The following FOXP1 variants were observed in gnomAD, a reference collection of about 807,000 sequenced individuals.
FOXP1 encodes forkhead box protein P1.
A neutral mutation model predicts 98.2 loss-of-function variants in FOXP1; 15 were observed. The observed-to-expected ratio is 0.15, with a 90% CI of 0.10 to 0.24. FOXP1 has a LOEUF of 0.24. FOXP1 is among the 10% of genes least tolerant of loss of function. The pLI, the probability that FOXP1 is intolerant of heterozygous loss-of-function variation, is 1.00. For synonymous variants in FOXP1, 371 were observed against 314.5 expected (o/e 1.18, Z -1.90); for missense variants, 633 against 848.5 (o/e 0.75, Z 3.15).
chr3:71,571,450 T>A (rs2047335085), intron 2 of FOXP1: 2 of 152,240 alleles, frequency 1.3e-5, no homozygotes, highest in Non-Finnish European at 2.9e-5. Context: ...TTTATACTCA[T>A]TTTGTTTAAC....
chr3:71,038,632 T>G (rs1406733113), intron 11 of FOXP1, among the ~76,000 whole-genome samples: 1 of 152,124 alleles, frequency 6.6e-6, no homozygotes, highest in South Asian at 2.1e-4. Context: ...AGTATTTATA[T>G]GTATACGAAG....
intron 4 of FOXP1, among the ~76,000 whole-genome samples, chr3:71,312,404 C>T (rs1437038552): frequency 6.6e-6 from 1 of 152,164 alleles, no homozygotes; most frequent in African/African-American, 2.4e-5. Context: ...ACTGTGTTCA[C>T]TACGAAGAAT....
intron 7 of FOXP1, among the ~76,000 whole-genome samples, chr3:71,063,526 A>T (rs1255091327): frequency 6.6e-6 from 1 of 152,268 alleles, no homozygotes; most frequent in Non-Finnish European, 1.5e-5. Context: ...AAACAAAAAC[A>T]GCAAAACAGG....
chr3:71,429,063 C>T (rs898834841), intron 3 of FOXP1, among the ~76,000 whole-genome samples: 2 of 152,140 alleles, frequency 1.3e-5, no homozygotes, highest in African/African-American at 4.8e-5. Flanking sequence ...CCGGCAAGCA[C>T]GAGGGGAAGG....
At chr3:71,583,808 G>A, upstream of FOXP1, 7 of 983,166 alleles carry the variant, frequency 7.1e-6, no homozygotes, top group Non-Finnish European at 8.4e-6. Flanking sequence ...CAGCGCCGGT[G>A]GCGGCGGCGG....
intron 1 of FOXP1, chr3:71,581,996 G>A (rs2048212615): frequency 1.0e-6 from 1 of 961,058 alleles, no homozygotes; most frequent in South Asian, 4.8e-5. Context: ...GTGGGATGGG[G>A]ATACGATCAC....
At chr3:71,577,450 A>G (rs2047811437) in intron 2 of FOXP1, among the ~76,000 whole-genome samples, 1 of 152,144 alleles carries the variant, frequency 6.6e-6, no homozygotes, top group Non-Finnish European at 1.5e-5. Context: ...GGAAAAAAAA[A>G]AAAGGAAAAA....
At chr3:71,575,456 T>TACACATACACACACAC (rs1284055681) in intron 2 of FOXP1, among the ~76,000 whole-genome samples, 3 of 149,440 alleles carry the variant, frequency 2.0e-5, no homozygotes, top group Non-Finnish European at 4.5e-5. Context: ...CACACACACA[T>TACACATACACACACAC]ACACACACAC....
intron 2 of FOXP1, among the ~76,000 whole-genome samples, chr3:71,519,753 T>A (rs1242289413): frequency 6.6e-6 from 1 of 152,252 alleles, no homozygotes; most frequent in East Asian, 1.9e-4. Flanking sequence ...TATTGTGGTG[T>A]AAGTACTTTA....
At position 70,976,961 on chromosome 3, in the gene FOXP1, G is replaced by A. The variant is rs797045585; in HGVS notation, c.1510C>T (p.Arg504Cys). The change falls in exon 17 of 21, where the codon CGC becomes TGC. Residue 504 changes from arginine (R) to cysteine (C), a missense_variant. Coordinates refer to ENST00000649528, the MANE Select transcript of FOXP1 (RefSeq NM_001349338.3). ...CTTACCTTCCACGTGGCCGCGTTGC[G>A]TCGGAAGTAAGCAAACATTCGTGTG... is the stretch of plus-strand genomic sequence containing the variant. ...WFTRMFAYFR[R>C]NAATWKNAVR... The A allele has an allele frequency of 3.7e-6, 6 of 1,613,904 alleles. No homozygotes were observed. Among genetic ancestry groups the A allele is most frequent in the Non-Finnish European group, 4.2e-6 (5 of 1,179,760 alleles).
chr3:71,530,010 C>T (rs937802459), intron 2 of FOXP1, among the ~76,000 whole-genome samples: 13 of 152,152 alleles, frequency 8.5e-5, no homozygotes, highest in Non-Finnish European at 1.6e-4. Context: ...CAGGGGCAGT[C>T]TAGTGGGGCC....
chr3:71,087,199 C>G (rs2055211776), intron 7 of FOXP1, among the ~76,000 whole-genome samples: 1 of 152,188 alleles, frequency 6.6e-6, no homozygotes, highest in South Asian at 2.1e-4. Flanking sequence ...GTGAGCTGCA[C>G]AACTGATGAG....
At chr3:71,109,002 AT>A (rs1263340212) in intron 7 of FOXP1, among the ~76,000 whole-genome samples, 1 of 152,234 alleles carries the variant, frequency 6.6e-6, no homozygotes, top group African/African-American at 2.4e-5. Flanking sequence ...TTCAATTTTC[AT>A]TTGTATCATT....
At chr3:71,036,283 C>T (rs1445881932) in intron 11 of FOXP1, among the ~76,000 whole-genome samples, 3 of 152,174 alleles carry the variant, frequency 2.0e-5, no homozygotes, top group Non-Finnish European at 4.4e-5. Context: ...CAAGGACTAT[C>T]GTGACTGAAG....
intron 10 of FOXP1, 115 bp from the exon 11 acceptor site, chr3:71,041,647 T>C: frequency 9.8e-7 from 1 of 1,021,780 alleles, no homozygotes; most frequent in Non-Finnish European, 1.5e-6. Flanking sequence ...GGTTTTTCGG[T>C]GTGTGCAGTT....
intron 3 of FOXP1, among the ~76,000 whole-genome samples, chr3:71,465,192 G>T (rs1168311711): frequency 6.6e-6 from 1 of 151,698 alleles, no homozygotes; most frequent in South Asian, 2.1e-4. Context: ...CTGTAATCCC[G>T]GCTACTTGGG....
intron 7 of FOXP1, among the ~76,000 whole-genome samples, chr3:71,091,129 G>GTGTGTGTGTGTGTGTATGTA (rs3064142): frequency 8.2e-6 from 1 of 122,290 alleles, no homozygotes; most frequent in Non-Finnish European, 1.7e-5. Flanking sequence ...GTGTGTGTGT[G>GTGTGTGTGTGTGTGTATGTA]TGTATTCTTA....
intron 7 of FOXP1, among the ~76,000 whole-genome samples, chr3:71,096,508 G>A (rs745535945): frequency 7.9e-5 from 12 of 152,110 alleles, no homozygotes; most frequent in Non-Finnish European, 1.8e-4. Flanking sequence ...ACTTACAAAT[G>A]TAAGTCACTT....
At chr3:71,582,974 G>A (rs1475036221) in intron 1 of FOXP1, among the ~76,000 whole-genome samples, 1 of 152,098 alleles carries the variant, frequency 6.6e-6, no homozygotes, top group Non-Finnish European at 1.5e-5. Context: ...ACACACCCGC[G>A]GGGAAAGAAG....
Sources: allele counts gnomAD v4.1 joint callset (sites outside exome capture counted in the v4.1 genomes callset), GRCh38; gene constraint gnomAD v4.1.1; transcripts MANE v1.5; gene names NCBI Gene and HGNC (gene_info 2026-07-23, HGNC 2026-07-21).